The following ATL3 variants were observed in gnomAD, a reference collection of about 807,000 sequenced individuals.
ATL3 encodes the protein atlastin-3.
A neutral mutation model predicts 69.5 loss-of-function variants in ATL3; 49 were observed. That is an observed-to-expected ratio of 0.71 (90% confidence interval 0.56 to 0.89). The LOEUF (loss-of-function observed/expected upper bound fraction) is 0.89. Among genes scored for constraint, ATL3 ranks in the 40% least tolerant of loss-of-function variants. ATL3 has a pLI of 0.00. For synonymous variants in ATL3, 214 were observed against 224.1 expected (o/e 0.95, Z 0.40); for missense variants, 606 against 645.7 (o/e 0.94, Z 0.67).
chr11:63,653,402 T>C (rs1036494802), intron 3 of ATL3, among the ~76,000 whole-genome samples: 1 of 151,676 alleles, frequency 6.6e-6, no homozygotes, highest in Admixed American at 6.6e-5. Context: ...GAGGCAGAGG[T>C]TGCAGTGAGC....
intron 3 of ATL3, among the ~76,000 whole-genome samples, chr11:63,655,516 C>T (rs1376026690): frequency 2.0e-5 from 3 of 150,180 alleles, no homozygotes; most frequent in Admixed American, 1.3e-4. Context: ...GGTGCGATCT[C>T]GGCTCACTGC....
At chr11:63,654,858 G>A (rs993304144) in intron 3 of ATL3, among the ~76,000 whole-genome samples, 6 of 150,420 alleles carry the variant, frequency 4.0e-5, no homozygotes, top group South Asian at 4.2e-4. Flanking sequence ...CACCATACCC[G>A]GCTAATTTTT....
chr11:63,631,734 C>A (rs1190502331), intron 11 of ATL3, among the ~76,000 whole-genome samples: 1 of 152,180 alleles, frequency 6.6e-6, no homozygotes, highest in Non-Finnish European at 1.5e-5. Context: ...GTAATCCCAG[C>A]ACTTTCGGAG....
At chr11:63,630,768 C>G (rs2134460652) in intron 12 of ATL3, among the ~76,000 whole-genome samples, 1 of 145,890 alleles carries the variant, frequency 6.9e-6, no homozygotes, top group East Asian at 2.2e-4. Context: ...TGGACTCCAG[C>G]CTGGGCAAGA....
At chr11:63,633,502 T>C (rs531613588) in intron 10 of ATL3, among the ~76,000 whole-genome samples, 1 of 152,048 alleles carries the variant, frequency 6.6e-6, no homozygotes, top group South Asian at 2.1e-4. Context: ...GCCTCCTGAA[T>C]GCAAGCCATC....
chr11:63,668,529 T>C (rs773271948), intron 1 of ATL3, among the ~76,000 whole-genome samples: 15 of 152,200 alleles, frequency 9.9e-5, no homozygotes, highest in African/African-American at 1.7e-4. Context: ...CTTTTCGCCA[T>C]AGCACAGAAG....
In ATL3 at chr11:63,624,326, C is replaced by G. The variant is rs542594213; in HGVS notation, c.*4993G>C. 3.9e-5 allele frequency: 6 copies of G among 152,270 alleles called. No individual in the cohort carries two copies. Among genetic ancestry groups the G allele is most frequent in the African/African-American group, 1.2e-4 (5 of 41,554 alleles). The allele number at this position is 152,270 out of a possible 1,614,324, so 9.4% of individuals were successfully genotyped here. On this transcript the variant is annotated 3_prime_UTR_variant, in exon 13 of 13. Coordinates refer to ENST00000398868, the MANE Select transcript of ATL3 (RefSeq NM_015459.5). The stretch of plus-strand genomic sequence containing the variant: ...AAGATTAGTATTAACTCCTTTAAGG[C>G]TTACATCCATGACAGCATGTATCTA...
intron 4 of ATL3, 83 bp from the exon 5 acceptor site, chr11:63,652,069 T>C: frequency 6.5e-7 from 1 of 1,528,058 alleles, no homozygotes; most frequent in Non-Finnish European, 8.7e-7. Context: ...GACAGAAGCT[T>C]TGAACAATTA....
At chr11:63,659,773 A>G (rs977671638) in intron 1 of ATL3, among the ~76,000 whole-genome samples, 1 of 151,982 alleles carries the variant, frequency 6.6e-6, no homozygotes, top group East Asian at 1.9e-4. Flanking sequence ...CATCTCTACC[A>G]ACAAATACAA....
At chr11:63,646,592 A>C (rs1346004745) in intron 5 of ATL3, 29 bp from the exon 6 acceptor site, 1 of 1,508,220 alleles carries the variant, frequency 6.6e-7, no homozygotes, top group East Asian at 2.3e-5. Flanking sequence ...ATGGTTTGTA[A>C]AGCAAAATTA....
Position 63,625,275 on chromosome 11 carries a change from T to A in ATL3, c.*4044A>T, listed in dbSNP as rs967922992. The A allele has an allele frequency of 2.0e-5, 3 of 152,168 alleles. No homozygotes were observed. The highest frequency in any genetic ancestry group is 6.5e-5 in the Admixed American group (1 of 15,272). The allele number at this position is 152,168 out of a possible 1,614,324, so 9.4% of individuals were successfully genotyped here. A position where few individuals can be genotyped will look rare whatever the true frequency, so the allele number is the denominator to read the frequency against. ...CTAGAATTTTGTTAAATAAAACATA[T>A]GTAAGCCAGAATGACACAGCCATGT... is the stretch of plus-strand genomic sequence containing the variant. On this transcript the variant is annotated 3_prime_UTR_variant, in exon 13 of 13. Transcript: ENST00000398868.
intron 1 of ATL3, 38 bp downstream of exon 1, chr11:63,671,252 G>A (rs1940764279): frequency 3.2e-6 from 5 of 1,553,920 alleles, no homozygotes; most frequent in Non-Finnish European, 8.7e-7. Flanking sequence ...GGCGGCGGGG[G>A]TGGCCGCGGG....
At chr11:63,643,743 T>C (rs1284103054) in intron 7 of ATL3, among the ~76,000 whole-genome samples, 1 of 152,190 alleles carries the variant, frequency 6.6e-6, no homozygotes, top group African/African-American at 2.4e-5. Context: ...AGATGGTTTG[T>C]GGGGATGAAG....
chr11:63,660,047 A>G (rs1359070215), intron 1 of ATL3, among the ~76,000 whole-genome samples: 1 of 150,742 alleles, frequency 6.6e-6, no homozygotes, highest in African/African-American at 2.5e-5. Flanking sequence ...AAAAATAAAT[A>G]AAATAAAATG....
intron 12 of ATL3, 103 bp from the exon 13 acceptor site, chr11:63,629,508 G>T: frequency 2.1e-6 from 2 of 965,984 alleles, no homozygotes; most frequent in Non-Finnish European, 3.2e-6. Context: ...TCATCGGCAT[G>T]TTACAGAAAG....
rs1939117438 is a variant in ATL3, at chr11:63,626,498, T to G, written c.*2821A>C. ...GAAAGATTTCTCAAAGAATGAAAAC[T>G]CTGATTCTACCATTTTTACTATAAG... is the stretch of plus-strand genomic sequence containing the variant. On this transcript the variant is annotated 3_prime_UTR_variant, in exon 13 of 13. Transcript: ENST00000398868. 1 of 152,238 alleles carries G rather than the reference T, an allele frequency of 6.6e-6. No homozygotes were observed. The highest frequency in any genetic ancestry group is 2.1e-4 in the South Asian group (1 of 4,836). 9.4% of individuals were successfully genotyped at this position (152,238 alleles called of 1,614,324 possible). A position where few individuals can be genotyped will look rare whatever the true frequency, so the allele number is the denominator to read the frequency against.
chr11:63,648,582 G>T (rs1256199017), intron 5 of ATL3, among the ~76,000 whole-genome samples: 3 of 152,354 alleles, frequency 2.0e-5, no homozygotes, highest in Non-Finnish European at 4.4e-5. Context: ...GCCAAGGCAG[G>T]GAGATCACTT....
intron 3 of ATL3, among the ~76,000 whole-genome samples, chr11:63,654,262 T>C (rs1299539314): frequency 3.3e-5 from 5 of 151,118 alleles, no homozygotes; most frequent in Non-Finnish European, 5.9e-5. Flanking sequence ...TTCTCCTGCC[T>C]CAGCCTCCCA....
chr11:63,644,053 T>G (rs748957488), intron 7 of ATL3, 116 bp downstream of exon 7: 6 of 673,690 alleles, frequency 8.9e-6, no homozygotes, highest in Non-Finnish European at 1.5e-5. Flanking sequence ...GATTCATATA[T>G]AGTTAATGTA....
Sources: allele counts gnomAD v4.1 joint callset (sites outside exome capture counted in the v4.1 genomes callset), GRCh38; gene constraint gnomAD v4.1.1; transcripts MANE v1.5; gene names NCBI Gene and HGNC (gene_info 2026-07-23, HGNC 2026-07-21).